The following ST6GAL2 variants were observed in gnomAD, a reference collection of about 807,000 sequenced individuals.
ST6GAL2 encodes ST6 beta-galactoside alpha-2,6-sialyltransferase 2, also known as beta-galactoside alpha-2,6-sialyltransferase 2.
ST6GAL2 carries 24 observed loss-of-function variants against 37.5 expected under a neutral mutation model. The observed-to-expected ratio is 0.64, with a 90% confidence interval of 0.46 to 0.90. The LOEUF (loss-of-function observed/expected upper bound fraction) is 0.90, where lower values mean the gene tolerates loss of function less well. ST6GAL2 is among the 40% of genes least tolerant of loss of function. The pLI is 0.00. For synonymous variants in ST6GAL2, 306 were observed against 295.1 expected, an observed-to-expected ratio of 1.04 and a Z score of -0.38; for missense variants, 715 against 712.7, an observed-to-expected ratio of 1.00 and a Z score of -0.04.
At chr2:106,883,088 T>G (rs995857377) in intron 1 of ST6GAL2, among the ~76,000 whole-genome samples, 1 of 152,192 alleles carries the variant, frequency 6.6e-6, no homozygotes, top group Non-Finnish European at 1.5e-5. Context: ...CACCAACTCC[T>G]GCAAAGCCTT....
chr2:106,807,915 C>T (rs916072456), intron 5 of ST6GAL2, among the ~76,000 whole-genome samples: 2 of 152,066 alleles, frequency 1.3e-5, no homozygotes, highest in South Asian at 2.1e-4. Context: ...TGAGCCACCG[C>T]GCCAGGCCTG....
At chr2:106,848,284 G>C (rs1191327498) in intron 1 of ST6GAL2, among the ~76,000 whole-genome samples, 1 of 152,098 alleles carries the variant, frequency 6.6e-6, no homozygotes, top group East Asian at 1.9e-4. Context: ...CTATCGCTAA[G>C]GAAATTCCAA....
chr2:106,817,814 A>C (rs1158129310), intron 5 of ST6GAL2, among the ~76,000 whole-genome samples: 1 of 152,134 alleles, frequency 6.6e-6, no homozygotes, highest in African/African-American at 2.4e-5. Context: ...GCACTTCTTG[A>C]CCTGCCCTGG....
intron 5 of ST6GAL2, chr2:106,824,891 A>T (rs1451421312): frequency 6.6e-6 from 1 of 152,198 alleles, no homozygotes; most frequent in East Asian, 1.9e-4. Flanking sequence ...ATCAGTACGG[A>T]GCCTGTGGAC....
intron 1 of ST6GAL2, among the ~76,000 whole-genome samples, chr2:106,865,395 G>A (rs966812139): frequency 3.9e-5 from 6 of 152,194 alleles, no homozygotes; most frequent in African/African-American, 1.4e-4. Flanking sequence ...CTACAGGGGT[G>A]AAATGTGGCT....
intron 1 of ST6GAL2, among the ~76,000 whole-genome samples, chr2:106,867,603 CT>C (rs377253295): frequency 3.3e-5 from 5 of 151,520 alleles, no homozygotes; most frequent in Non-Finnish European, 5.9e-5. Flanking sequence ...AGTCCTTCTG[CT>C]TTTTTTTTCC....
chr2:106,850,473 A>G (rs1044954446), intron 1 of ST6GAL2, among the ~76,000 whole-genome samples: 1 of 152,178 alleles, frequency 6.6e-6, no homozygotes, highest in Non-Finnish European at 1.5e-5. Flanking sequence ...CACTGCCTCA[A>G]TTTGTGATTA....
chr2:106,831,586 C>T (rs1196570588), intron 4 of ST6GAL2, among the ~76,000 whole-genome samples: 1 of 152,138 alleles, frequency 6.6e-6, no homozygotes, highest in Non-Finnish European at 1.5e-5. Context: ...TATATATATC[C>T]TCCATTTCTG....
At chr2:106,815,767 C>T (rs1008016974) in intron 5 of ST6GAL2, among the ~76,000 whole-genome samples, 5 of 152,132 alleles carry the variant, frequency 3.3e-5, no homozygotes, top group African/African-American at 4.8e-5. Flanking sequence ...GTGGTAGGGC[C>T]AAGACTTGAT....
chr2:106,865,477 G>A (rs1268461174), intron 1 of ST6GAL2, among the ~76,000 whole-genome samples: 1 of 152,218 alleles, frequency 6.6e-6, no homozygotes, highest in African/African-American at 2.4e-5. Flanking sequence ...GAAGAGCCTT[G>A]TCTGGGGAGA....
At chr2:106,861,135 C>A (rs1041583224) in intron 1 of ST6GAL2, among the ~76,000 whole-genome samples, 3 of 152,138 alleles carry the variant, frequency 2.0e-5, no homozygotes, top group South Asian at 4.1e-4. Context: ...ACTAGGATGA[C>A]ACAGGAAAAT....
At position 106,878,124 on chromosome 2, in the gene ST6GAL2, A is replaced by C. The variant is rs143739577; in HGVS notation, c.-58+7969T>G. 1.2e-3 allele frequency among the ~76,000 whole-genome samples: 179 copies of C among 152,360 alleles called. 1 individual carries two copies. Among genetic ancestry groups the C allele is most frequent in the African/African-American group, 4.2e-3 (174 of 41,578 alleles). On this transcript the variant is annotated intron_variant, in intron 1 of 5. Transcript: ENST00000409382. Reference sequence around the variant, plus strand: ...ATGCCACCCACCACGACTCAAAAACATTTGGAAAAACAAATAAATACGAAT... The same window carrying C: ...ATGCCACCCACCACGACTCAAAAACCTTTGGAAAAACAAATAAATACGAAT...
At chr2:106,855,649 GTACA>G (rs1263106452) in intron 1 of ST6GAL2, among the ~76,000 whole-genome samples, 1 of 151,888 alleles carries the variant, frequency 6.6e-6, no homozygotes, top group East Asian at 1.9e-4. Flanking sequence ...TTACATCTAG[GTACA>G]TAAACTCTTA....
chr2:106,816,951 G>A lies in ST6GAL2; in HGVS notation c.1319-10002C>T, dbSNP rs376591754. Among the ~76,000 whole-genome samples, 5 of 152,104 alleles carry A rather than the reference G, an allele frequency of 3.3e-5. No individual in the cohort carries two copies. The South Asian group carries it at 8.3e-4, about 25-fold the overall frequency. ...ACTGGGAGACTTTGCAATGGAACTC[G>A]GGGCTGCCCTGTTACAGCAGAAAGC... On this transcript the variant is annotated intron_variant, in intron 5 of 5. Coordinates refer to ENST00000409382, the MANE Select transcript of ST6GAL2 (RefSeq NM_001142351.2).
At chr2:106,824,125 A>C (rs7604530) in intron 5 of ST6GAL2, among the ~76,000 whole-genome samples, 15,074 of 152,180 alleles carry the variant, frequency 0.099, 1,048 homozygotes, top group African/African-American at 0.16. Flanking sequence ...TACCCCACTA[A>C]TCAGTATATT....
chr2:106,831,505 C>A (rs1417366205), intron 4 of ST6GAL2, among the ~76,000 whole-genome samples: 1 of 152,238 alleles, frequency 6.6e-6, no homozygotes, highest in African/African-American at 2.4e-5. Flanking sequence ...AAACACCCAT[C>A]TGATGCTTGA....
chr2:106,825,894 CT>C (rs531591663), intron 5 of ST6GAL2, among the ~76,000 whole-genome samples: 23 of 152,284 alleles, frequency 1.5e-4, no homozygotes, highest in Non-Finnish European at 1.5e-4. Flanking sequence ...CCTTACCTTC[CT>C]TTTTCACCAC....
At chr2:106,813,958 T>C (rs930737074) in intron 5 of ST6GAL2, among the ~76,000 whole-genome samples, 4 of 152,140 alleles carry the variant, frequency 2.6e-5, no homozygotes, top group Non-Finnish European at 4.4e-5. Flanking sequence ...AATTCAATCA[T>C]AAAATGGAAA....
chr2:106,813,240 A>C (rs747836154), intron 5 of ST6GAL2: 8 of 1,319,470 alleles, frequency 6.1e-6, no homozygotes, highest in Non-Finnish European at 7.8e-6. Flanking sequence ...TGAGGGATTC[A>C]TTTGAAGAAA....
Sources: allele counts gnomAD v4.1 joint callset (sites outside exome capture counted in the v4.1 genomes callset), GRCh38; gene constraint gnomAD v4.1.1; transcripts MANE v1.5; gene names NCBI Gene and HGNC (gene_info 2026-07-23, HGNC 2026-07-21).